The following MARCHF1 variants were observed in gnomAD, a reference collection of about 807,000 sequenced individuals.
The protein encoded by MARCHF1 is E3 ubiquitin-protein ligase MARCHF1.
MARCHF1 carries 40 observed loss-of-function variants against 54.2 expected under a neutral mutation model. The observed-to-expected ratio is 0.74, with a 90% CI of 0.57 to 0.96. The LOEUF is 0.96. MARCHF1 is among the 40% of genes least tolerant of loss of function. The pLI is 0.00. For missense variants in MARCHF1, 586 were observed against 656.5 expected, an observed-to-expected ratio of 0.89 and a Z score of 1.17; for synonymous variants, 236 against 236.3, an observed-to-expected ratio of 1.00 and a Z score of 0.01.
chr4:163,733,197 A>ATATATATATATATATATATATACACGTG (rs1745906744), intron 4 of MARCHF1, among the ~76,000 whole-genome samples: 2 of 32,310 alleles, frequency 6.2e-5, no homozygotes, highest in African/African-American at 1.8e-4. Flanking sequence ...ATATATATAT[A>ATATATATATATATATATATATACACGTG]TATATATATA....
chr4:164,272,737 C>T (rs551332490), intron 1 of MARCHF1, among the ~76,000 whole-genome samples: 2 of 151,760 alleles, frequency 1.3e-5, no homozygotes, highest in South Asian at 4.2e-4. Flanking sequence ...ATTTTACCAT[C>T]GCTCTTTATT....
intron 3 of MARCHF1, among the ~76,000 whole-genome samples, chr4:163,956,088 A>G (rs1752227728): frequency 6.6e-6 from 1 of 152,168 alleles, no homozygotes; most frequent in Admixed American, 6.5e-5. Context: ...TGACAAAAGT[A>G]ATATGAAAAA....
intron 1 of MARCHF1, among the ~76,000 whole-genome samples, chr4:164,123,822 C>T (rs1478840062): frequency 6.6e-6 from 1 of 151,994 alleles, no homozygotes; most frequent in Non-Finnish European, 1.5e-5. Flanking sequence ...TGGGGAAAAT[C>T]TCCAGGACAT....
intron 4 of MARCHF1, among the ~76,000 whole-genome samples, chr4:163,730,804 T>G (rs1404839234): frequency 6.6e-6 from 1 of 152,174 alleles, no homozygotes; most frequent in South Asian, 2.1e-4. Context: ...TATGAATTTG[T>G]TCTACTAATT....
intron 3 of MARCHF1, among the ~76,000 whole-genome samples, chr4:163,977,040 G>C (rs1195696840): frequency 6.6e-6 from 1 of 152,018 alleles, no homozygotes; most frequent in Non-Finnish European, 1.5e-5. Flanking sequence ...CCATTTCATA[G>C]AAAAGTTGTG....
chr4:163,875,446 T>C (rs1027811088), intron 3 of MARCHF1, among the ~76,000 whole-genome samples: 1 of 152,126 alleles, frequency 6.6e-6, no homozygotes, highest in Non-Finnish European at 1.5e-5. Flanking sequence ...TTGGTGATGA[T>C]TAAAATCTCA....
intron 5 of MARCHF1, among the ~76,000 whole-genome samples, chr4:163,635,921 G>A (rs1206622977): frequency 6.6e-6 from 1 of 152,172 alleles, no homozygotes; most frequent in African/African-American, 2.4e-5. Flanking sequence ...TCATCCCTGG[G>A]ATGCAAGGTT....
chr4:164,360,275 T>A (rs1730686842), intron 1 of MARCHF1, among the ~76,000 whole-genome samples: 1 of 152,134 alleles, frequency 6.6e-6, no homozygotes, highest in South Asian at 2.1e-4. Context: ...GTGGCTATCT[T>A]GCGAGGTTTC....
At chr4:163,901,141 T>C (rs1485949142) in intron 3 of MARCHF1, among the ~76,000 whole-genome samples, 5 of 152,142 alleles carry the variant, frequency 3.3e-5, no homozygotes, top group Admixed American at 3.3e-4. Context: ...ACAATCTGGG[T>C]TTAGATTCAG....
intron 5 of MARCHF1, among the ~76,000 whole-genome samples, chr4:163,646,113 T>C (rs1560995395): frequency 6.7e-6 from 1 of 149,554 alleles, no homozygotes; most frequent in Non-Finnish European, 1.5e-5. Context: ...AGAGAGAATC[T>C]TGAAAGCAAA....
intron 5 of MARCHF1, among the ~76,000 whole-genome samples, chr4:163,662,823 T>G (rs1743391115): frequency 6.6e-6 from 1 of 152,008 alleles, no homozygotes; most frequent in Non-Finnish European, 1.5e-5. Flanking sequence ...TACAATCTCT[T>G]GTTTGAAGGC....
chr4:163,820,488 A>G (rs1210324688), intron 4 of MARCHF1, among the ~76,000 whole-genome samples: 1 of 152,014 alleles, frequency 6.6e-6, no homozygotes, highest in South Asian at 2.1e-4. Context: ...AGATTCAATG[A>G]TGTACTCATA....
intron 2 of MARCHF1, among the ~76,000 whole-genome samples, chr4:164,085,190 T>C (rs760508066): frequency 6.6e-6 from 1 of 151,874 alleles, no homozygotes; most frequent in African/African-American, 2.4e-5. Flanking sequence ...AGTGGATCTA[T>C]TATTTGAATT....
At chr4:163,894,093 T>A (rs1361293422) in intron 3 of MARCHF1, among the ~76,000 whole-genome samples, 1 of 152,174 alleles carries the variant, frequency 6.6e-6, no homozygotes, top group Non-Finnish European at 1.5e-5. Flanking sequence ...CATAAAATGA[T>A]GATTCAGAAT....
intron 8 of MARCHF1, among the ~76,000 whole-genome samples, chr4:163,581,975 T>A (rs562210764): frequency 8.2e-4 from 125 of 152,314 alleles, no homozygotes; most frequent in African/African-American, 2.9e-3. Flanking sequence ...AGTTTCTATA[T>A]AGAGTATTAC....
At chr4:163,806,966 T>G (rs887904096) in intron 4 of MARCHF1, among the ~76,000 whole-genome samples, 1 of 151,966 alleles carries the variant, frequency 6.6e-6, no homozygotes, top group Non-Finnish European at 1.5e-5. Flanking sequence ...AATCTCAGGA[T>G]CAAACGAAAT....
At chr4:163,634,472 A>C (rs1382607797) in intron 5 of MARCHF1, among the ~76,000 whole-genome samples, 1 of 146,368 alleles carries the variant, frequency 6.8e-6, no homozygotes, top group Admixed American at 6.8e-5. Flanking sequence ...ACAGACTTTA[A>C]ACCAACAAAG....
chr4:163,530,740 T>C (rs1738317189), intron 9 of MARCHF1: 1 of 151,968 alleles, frequency 6.6e-6, no homozygotes, highest in African/African-American at 2.4e-5. Flanking sequence ...TGCAATCAAA[T>C]TTATTAGAAC....
chr4:163,610,020 T>C (rs1400452864), intron 7 of MARCHF1, among the ~76,000 whole-genome samples: 1 of 152,124 alleles, frequency 6.6e-6, no homozygotes, highest in Non-Finnish European at 1.5e-5. Context: ...AGTGCCAGTG[T>C]CCCATCCCTG....
Sources: gnomAD v4.1 joint callset for allele counts (sites outside exome capture counted in the v4.1 genomes callset) on GRCh38, gnomAD v4.1.1 for gene constraint, MANE v1.5 for transcripts, NCBI Gene and HGNC (gene_info 2026-07-23, HGNC 2026-07-21) for gene names.